The following BTBD3 variants were observed in gnomAD, a reference collection of about 807,000 sequenced individuals.
BTBD3 encodes the protein BTB/POZ domain-containing protein 3.
A neutral mutation model predicts 41.6 loss-of-function variants in BTBD3; 14 were observed. The ratio of observed to expected loss-of-function variants is 0.34; its 90% CI spans 0.22 to 0.53. The LOEUF (loss-of-function observed/expected upper bound fraction) is 0.53, where lower values mean the gene tolerates loss of function less well. Among genes scored for constraint, BTBD3 ranks in the 20% least tolerant of loss-of-function variants. The pLI, the probability that BTBD3 is intolerant of heterozygous loss-of-function variation, is 0.95. For synonymous variants in BTBD3, 249 were observed against 233.7 expected, an observed-to-expected ratio of 1.07 and a Z score of -0.60; for missense variants, 426 against 654.7, an observed-to-expected ratio of 0.65 and a Z score of 3.81.
chr20:11,919,167 A>C lies in BTBD3; in HGVS notation c.408A>C (p.Pro136=), dbSNP rs749901050. 1 of 1,613,598 alleles carries C rather than the reference A, an allele frequency of 6.2e-7. No homozygotes were observed. The highest frequency in any genetic ancestry group is 8.5e-7 in the Non-Finnish European group (1 of 1,179,674). ...VGPPGGTQRL[P]GHKYVLAVGS... Reference sequence around the variant, plus strand: ...CACCAGGTGGGACTCAACGGTTGCCAGGACACAAAGTAAGCAACAGCTGCA... The same window carrying C: ...CACCAGGTGGGACTCAACGGTTGCCCGGACACAAAGTAAGCAACAGCTGCA... The change falls in exon 2 of 4, where the codon CCA becomes CCC. Residue 136 remains proline (P), a synonymous_variant. Coordinates refer to ENST00000378226, the MANE Select transcript of BTBD3 (RefSeq NM_014962.4).
At position 11,918,202 on chromosome 20, in the gene BTBD3, C is replaced by T. The variant is rs901428650; in HGVS notation, c.-74C>T. The T allele has an allele frequency of 6.7e-7, 1 of 1,499,744 alleles. No individual in the cohort carries two copies. Among genetic ancestry groups the T allele is most frequent in the Admixed American group, 2.3e-5 (1 of 43,044 alleles). The allele number at this position is 1,499,744 out of a possible 1,614,324, so 92.9% of individuals were successfully genotyped here. A position where few individuals can be genotyped will look rare whatever the true frequency, so the allele number is the denominator to read the frequency against. ...TGTTGGTTTCAGTTAACCTCTTAGC[C>T]CGGGCTAATCTCTTTTCCTTGATGT... On this transcript the variant is annotated 5_prime_UTR_variant, in exon 1 of 4. Coordinates refer to ENST00000378226, the MANE Select transcript of BTBD3 (RefSeq NM_014962.4).
intron 1 of BTBD3, among the ~76,000 whole-genome samples, chr20:11,900,556 T>C (rs2056817522): frequency 6.6e-6 from 1 of 152,132 alleles, no homozygotes; most frequent in Non-Finnish European, 1.5e-5. Flanking sequence ...ACATACTCTA[T>C]AGTGAGGGAC....
Position 11,918,313 on chromosome 20 carries a change from CCTT to C in BTBD3, c.45_47del (p.Phe15del), listed in dbSNP as rs1187265784. 2.6e-5 allele frequency: 42 copies of C among 1,607,266 alleles called. No individual in the cohort carries two copies. In the Admixed American group the frequency reaches 4.4e-4, roughly 17 times the overall value. On this transcript the variant is annotated inframe_deletion, in exon 1 of 4. Transcript: ENST00000378226. The stretch of plus-strand genomic sequence containing the variant: ...AAGGAAAAGAACATGAAATGTCTCA[CCTT>C]CTTCTTGATGCTTCCAGAGACGGTA...
chr20:11,906,604 G>A (rs576677781), intron 1 of BTBD3, among the ~76,000 whole-genome samples: 2 of 152,202 alleles, frequency 1.3e-5, no homozygotes, highest in African/African-American at 2.4e-5. Flanking sequence ...GATGGAAGTT[G>A]AGAATTCTTT....
chr20:11,891,072 A>C (rs1393782220), intron 1 of BTBD3: 2 of 722,782 alleles, frequency 2.8e-6, no homozygotes, highest in Non-Finnish European at 3.4e-6. Flanking sequence ...AAGCGAGGAG[A>C]GGCCGGGCTG....
chr20:11,911,667 A>G (rs1229951451), intron 1 of BTBD3, among the ~76,000 whole-genome samples: 2 of 152,228 alleles, frequency 1.3e-5, no homozygotes, highest in African/African-American at 4.8e-5. Context: ...GCAGGGCCGC[A>G]GGTTGGACAA....
intron 3 of BTBD3, among the ~76,000 whole-genome samples, chr20:11,920,464 A>C (rs1306698628): frequency 6.6e-6 from 1 of 152,204 alleles, no homozygotes; most frequent in Non-Finnish European, 1.5e-5. Flanking sequence ...ATACAGAAGA[A>C]CTTTCATTGG....
chr20:11,904,750 A>T (rs1405507030), intron 1 of BTBD3, among the ~76,000 whole-genome samples: 1 of 152,188 alleles, frequency 6.6e-6, no homozygotes, highest in Non-Finnish European at 1.5e-5. Flanking sequence ...GGAAAAGAAT[A>T]TTTTAATAGC....
rs949177299 is a variant in BTBD3, at chr20:11,925,437, A to C, written c.*1771A>C. 7.2e-5 allele frequency: 11 copies of C among 152,620 alleles called. No homozygotes were observed. Among genetic ancestry groups the C allele is most frequent in the African/African-American group, 2.7e-4 (11 of 41,418 alleles). 9.5% of individuals were successfully genotyped at this position (152,620 alleles called of 1,614,324 possible). Reference sequence around the variant, plus strand: ...AGGGAGGAGAACACTGGATTATTGGAAATGTTTTAATCACTCTTGCCATTA... The same window carrying C: ...AGGGAGGAGAACACTGGATTATTGGCAATGTTTTAATCACTCTTGCCATTA... On this transcript the variant is annotated 3_prime_UTR_variant, in exon 4 of 4. Coordinates refer to ENST00000378226, the MANE Select transcript of BTBD3 (RefSeq NM_014962.4).
Position 11,918,423 on chromosome 20 carries a change from T to G in BTBD3, c.148T>G (p.Tyr50Asp), listed in dbSNP as rs147357951. 13 of 1,613,980 alleles carry G rather than the reference T, an allele frequency of 8.1e-6. No homozygotes were observed. Among genetic ancestry groups the G allele is most frequent in the Non-Finnish European group, 1.1e-5 (13 of 1,180,016 alleles). ...CAGCAGCAAGTTGCCACCAGTTTGT[T>G]ATGAAATAATTACCTTGAAGACTAA... ...SNSSKLPPVC[Y>D]EIITLKTKKK... Residue 50 changes from tyrosine to aspartate, a missense_variant, in exon 1 of 4, where the codon TAT becomes GAT. Tyr to Asp is a radical substitution (Grantham distance 160, BLOSUM62 -3). Transcript: ENST00000378226.
At chr20:11,910,452 A>G (rs927461130) in intron 1 of BTBD3, 2 of 152,150 alleles carry the variant, frequency 1.3e-5, no homozygotes, top group Non-Finnish European at 2.9e-5. Context: ...GCCTTTTTGA[A>G]AGGGACCTCC....
At position 11,923,661 on chromosome 20, in the gene BTBD3, G is replaced by C. The variant is rs760567687; in HGVS notation, c.1564G>C (p.Ala522Pro). 2 of 1,588,464 alleles carry C rather than the reference G, an allele frequency of 1.3e-6. No individual in the cohort carries two copies. The highest frequency in any genetic ancestry group is 4.5e-5 in the East Asian group (2 of 44,672). ...GGQIPELIFY[A>P] The stretch of plus-strand genomic sequence containing the variant: ...GCAGATCCCTGAACTTATATTCTAT[G>C]CTTGAAAACTCACTTCCTGAAGCAG... The change falls in exon 4 of 4, where the codon GCT becomes CCT. Residue 522 changes from alanine to proline, a missense_variant. Physicochemically the swap from Ala to Pro is conservative, Grantham distance 27. Transcript: ENST00000378226. This position sits in a 1 kb window ranked among gnomAD's most constrained non-coding sequence, Gnocchi z 5.3.
chr20:11,900,470 C>T (rs2056816841), intron 1 of BTBD3, among the ~76,000 whole-genome samples: 1 of 152,100 alleles, frequency 6.6e-6, no homozygotes, highest in African/African-American at 2.4e-5. Flanking sequence ...GAGTTTTTGT[C>T]TTTTAATGCC....
intron 1 of BTBD3, among the ~76,000 whole-genome samples, chr20:11,897,901 G>A (rs2056797803): frequency 6.6e-6 from 1 of 152,196 alleles, no homozygotes. Flanking sequence ...GTTCACGCCT[G>A]TAATCCAGCA....
chr20:11,893,999 T>C (rs2122156663), intron 1 of BTBD3, among the ~76,000 whole-genome samples: 1 of 152,374 alleles, frequency 6.6e-6, no homozygotes, highest in Admixed American at 6.5e-5. Flanking sequence ...TTTCTGTTGT[T>C]TTACGTATTA....
chr20:11,892,894 C>G (rs972461270), intron 1 of BTBD3, among the ~76,000 whole-genome samples: 1 of 152,108 alleles, frequency 6.6e-6, no homozygotes, highest in African/African-American at 2.4e-5. Flanking sequence ...CCATGCTTAG[C>G]TTTTAAGTTG....
chr20:11,920,914 C>G (rs1160125388), intron 3 of BTBD3, among the ~76,000 whole-genome samples: 1 of 149,874 alleles, frequency 6.7e-6, no homozygotes, highest in Non-Finnish European at 1.5e-5. Context: ...CATTATTCAT[C>G]TTACAGTTTT....
At chr20:11,921,672 A>G (rs1322149353) in intron 3 of BTBD3, 2 of 152,216 alleles carry the variant, frequency 1.3e-5, no homozygotes, top group African/African-American at 4.8e-5. Flanking sequence ...GGCAGGTTTC[A>G]TTTGTGCTCG....
intron 1 of BTBD3, among the ~76,000 whole-genome samples, chr20:11,892,741 A>G (rs1233033631): frequency 6.6e-6 from 1 of 151,930 alleles, no homozygotes; most frequent in East Asian, 1.9e-4. Flanking sequence ...CTTTTTTAGC[A>G]TGTTTTCTTG....
Sources: gnomAD v4.1 joint callset for allele counts (sites outside exome capture counted in the v4.1 genomes callset) on GRCh38, gnomAD v4.1.1 for gene constraint, Gnocchi (gnomAD v3.1) non-coding constraint, MANE v1.5 for transcripts, NCBI Gene and HGNC (gene_info 2026-07-23, HGNC 2026-07-21) for gene names.